DPH1: variants seen among roughly 807,000 people sequenced by gnomAD.
DPH1 encodes 2-(3-amino-3-carboxypropyl)histidine synthase subunit 1.
Under a neutral mutation model 55.3 loss-of-function variants are expected in DPH1, and 59 were observed. That is an observed-to-expected ratio of 1.07 (90% CI 0.87 to 1.33). The LOEUF is 1.33. Ranked by LOEUF, DPH1 falls within the 40% of genes most tolerant of loss-of-function variation. DPH1 has a pLI of 0.00. For synonymous variants in DPH1, 238 were observed against 235.5 expected, an observed-to-expected ratio of 1.01 and a Z score of -0.10; for missense variants, 628 against 584.8, an observed-to-expected ratio of 1.07 and a Z score of -0.76.
intron 12 of DPH1, 199 bp from the exon 13 acceptor site, chr17:2,042,406 G>T: frequency 7.9e-7 from 1 of 1,257,898 alleles, no homozygotes; most frequent in South Asian, 1.9e-5. Context: ...TGTCCTCCCA[G>T]GCTTCCGCCT....
chr17:2,042,149 G>T, intron 12 of DPH1: 1 of 1,519,946 alleles, frequency 6.6e-7, no homozygotes, highest in East Asian at 2.6e-5. Context: ...AGGCGCTGCG[G>T]GGTCGCGCCG....
Position 2,030,157 on chromosome 17 carries a change from G to A in DPH1, c.-13G>A, listed in dbSNP as rs767013444. On this transcript the variant is annotated 5_prime_UTR_variant, in exon 1 of 13. It removes an upstream start codon present in the reference 5' UTR. Transcript: ENST00000263083. ...CAGCGCTGTCTTTTTAGTACCACAT[G>A]CGCAGGCAGGTGATGGCGGCGCTGG... The A allele has an allele frequency of 4.4e-6, 7 of 1,601,662 alleles. No individual in the cohort carries two copies. The South Asian group carries it at 4.5e-5, about 10-fold the overall frequency.
Position 2,042,495 on chromosome 17 carries a change from C to G in DPH1, c.*19-110C>G, listed in dbSNP as rs558641493. 677 of 1,424,536 alleles carry G rather than the reference C, an allele frequency of 4.8e-4. 2 individuals are homozygous for G. Among genetic ancestry groups the G allele is most frequent in the Middle Eastern group, 2.1e-3 (11 of 5,264 alleles). The allele number at this position is 1,424,536 out of a possible 1,614,324, so 88.2% of individuals were successfully genotyped here. Reference sequence around the variant, plus strand: ...TCTCATTTCCCCCAGACTTTTGCCTCGATTCCCTTTTTCTCTCTGTCATCT... The same window carrying G: ...TCTCATTTCCCCCAGACTTTTGCCTGGATTCCCTTTTTCTCTCTGTCATCT... On this transcript the variant is annotated intron_variant, in intron 12 of 12. Transcript: ENST00000263083.
At chr17:2,034,911 C>T (rs898746084) in intron 3 of DPH1, 4 of 133,290 alleles carry the variant, frequency 3.0e-5, no homozygotes, top group Non-Finnish European at 4.7e-5. Context: ...CTCCCACCGT[C>T]TTGCCCCTTG....
rs1162227909 is a variant in DPH1, at chr17:2,042,070, G to A, written c.*18+195G>A. The A allele has an allele frequency of 5.8e-6, 9 of 1,557,232 alleles. 1 individual carries two copies. Among genetic ancestry groups the A allele is most frequent in the Admixed American group, 5.6e-5 (3 of 54,050 alleles). ...ATAATGGCCGCGCAGCGACCCCTGC[G>A]GGTCCTGTGCCTGGCGGGCTTCCGG... On this transcript the variant is annotated intron_variant, in intron 12 of 12. Coordinates refer to ENST00000263083, the MANE Select transcript of DPH1 (RefSeq NM_001383.6).
intron 6 of DPH1, among the ~76,000 whole-genome samples, chr17:2,037,804 A>G (rs1220912822): frequency 6.6e-6 from 1 of 152,226 alleles, no homozygotes; most frequent in African/African-American, 2.4e-5. Context: ...CTGGGGGCAC[A>G]CTTGGTACAG....
Position 2,041,184 on chromosome 17 carries a change from A to C in DPH1, c.1086+3A>C. The C allele has an allele frequency of 6.2e-7, 1 of 1,602,564 alleles. No homozygotes were observed. Among genetic ancestry groups the C allele is most frequent in the Non-Finnish European group, 8.5e-7 (1 of 1,174,188 alleles). On this transcript the variant is annotated splice_donor_region_variant and intron_variant, in intron 10 of 12. Coordinates refer to ENST00000263083, the MANE Select transcript of DPH1 (RefSeq NM_001383.6). ...AGCCGCTGCTGACACCCTATGAGGT[A>C]ACACCAAGCTCTGGGAGAGAGTGGG... is the stretch of plus-strand genomic sequence containing the variant.
chr17:2,042,296 C>T, intron 12 of DPH1: 2 of 1,397,034 alleles, frequency 1.4e-6, no homozygotes, highest in Non-Finnish European at 1.9e-6. Flanking sequence ...CCCCTCGACA[C>T]CCTTCAGCAT....
intron 6 of DPH1, among the ~76,000 whole-genome samples, chr17:2,038,709 A>G (rs1451493135): frequency 4.6e-5 from 7 of 152,034 alleles, no homozygotes. Flanking sequence ...CTTCCACAAA[A>G]CCTGTTCCCA....
chr17:2,033,571 A>G lies in DPH1; in HGVS notation c.128A>G (p.Gln43Arg). The G allele has an allele frequency of 6.2e-7, 1 of 1,614,224 alleles. No homozygotes were observed. The highest frequency in any genetic ancestry group is 8.5e-7 in the Non-Finnish European group (1 of 1,180,042). Residue 43 changes from glutamine (Q) to arginine (R), a missense_variant, in exon 2 of 13, where the codon CAG (glutamine) becomes CGG (arginine). By Grantham distance (43) the Gln-to-Arg change is conservative (BLOSUM62 1). Transcript: ENST00000263083. ...GAGATCCTGAAGAACCCTCAGCTGC[A>G]GGCAGCAATCCGGGTCCTGCCTTCC... ...PPEILKNPQL[Q>R]AAIRVLPSNY...
At chr17:2,040,718 C>A (rs2067505415) in intron 9 of DPH1, 113 bp downstream of exon 9, 1 of 1,268,796 alleles carries the variant, frequency 7.9e-7, no homozygotes, top group Non-Finnish European at 1.1e-6. Flanking sequence ...TGGAATTTTA[C>A]TGTTTACAGA....
In DPH1 at chr17:2,041,456, A is replaced by T. The variant is rs764124968; in HGVS notation, c.1087-25A>T. On this transcript the variant is annotated intron_variant, in intron 10 of 12. Coordinates refer to ENST00000263083, the MANE Select transcript of DPH1 (RefSeq NM_001383.6). ...GGGCAGAAAAACACTGGCAGATGTTATTGTCCCTCCCTCCCCTCCCCTAGG... is the reference window on the plus strand; with the variant it reads ...GGGCAGAAAAACACTGGCAGATGTTTTTGTCCCTCCCTCCCCTCCCCTAGG... 3 of 1,584,818 alleles carry T rather than the reference A, an allele frequency of 1.9e-6. No homozygotes were observed. In the South Asian group the frequency reaches 3.4e-5, roughly 18 times the overall value.
Position 2,040,527 on chromosome 17 carries a change from C to G in DPH1, c.929C>G (p.Ala310Gly). The change falls in exon 9 of 13, where the codon GCC (alanine) becomes GGC (glycine). Residue 310 changes from alanine to glycine, a missense_variant. Coordinates refer to ENST00000263083, the MANE Select transcript of DPH1 (RefSeq NM_001383.6). ...CAGCACCTGGAATCTCGACTCCGAG[C>G]CTTGGGCCTTTCCTTTGTGAGGCTG... ...ILEHLESRLR[A>G]LGLSFVRLLL... 1 of 1,614,218 alleles carries G rather than the reference C, an allele frequency of 6.2e-7. No individual in the cohort carries two copies. The highest frequency in any genetic ancestry group is 8.5e-7 in the Non-Finnish European group (1 of 1,180,044).
intron 3 of DPH1, 53 bp downstream of exon 3, chr17:2,033,895 A>G (rs894806663): frequency 5.6e-6 from 9 of 1,603,266 alleles, no homozygotes; most frequent in African/African-American, 4.0e-5. Flanking sequence ...CCCACCCCCT[A>G]TGCTCATTAC....
rs979626228 is a variant in DPH1 at position 2,041,188 on chromosome 17, C to G, written c.1086+7C>G. The G allele has an allele frequency of 1.2e-6, 2 of 1,600,940 alleles. No homozygotes were observed. The highest frequency in any genetic ancestry group is 2.2e-5 in the South Asian group (2 of 88,920). ...GCTGCTGACACCCTATGAGGTAACACCAAGCTCTGGGAGAGAGTGGGCTTT... is the reference window on the plus strand; with the variant it reads ...GCTGCTGACACCCTATGAGGTAACAGCAAGCTCTGGGAGAGAGTGGGCTTT... On this transcript the variant is annotated splice_region_variant and intron_variant, in intron 10 of 12. Coordinates refer to ENST00000263083, the MANE Select transcript of DPH1 (RefSeq NM_001383.6).
In DPH1 at chr17:2,033,529, C is replaced by T. The variant is rs772628014; in HGVS notation, c.86C>T (p.Ala29Val). 1 of 1,614,184 alleles carries T rather than the reference C, an allele frequency of 6.2e-7. No homozygotes were observed. Among genetic ancestry groups the T allele is most frequent in the South Asian group, 1.1e-5 (1 of 91,090 alleles). The change falls in exon 2 of 13, where the codon GCC becomes GTC. Residue 29 changes from alanine (A) to valine (V), a missense_variant. By Grantham distance (64) the Ala-to-Val change is moderately conservative. Coordinates refer to ENST00000263083, the MANE Select transcript of DPH1 (RefSeq NM_001383.6). ...GRGRAPRGRV[A>V]NQIPPEILKN... ...GGTCGGGCCCCTCGGGGCCGCGTGG[C>T]CAATCAGATCCCCCCTGAGATCCTG... is the stretch of plus-strand genomic sequence containing the variant.
rs753330182 is a variant in DPH1 at position 2,042,634 on chromosome 17, G to C, written c.*48G>C. ...CTGCCCTCCGGAGGAGCAGCCTCGAGGCTGGTGGTTTTCAGAGCAGGAGGC... is the reference window on the plus strand; with the variant it reads ...CTGCCCTCCGGAGGAGCAGCCTCGACGCTGGTGGTTTTCAGAGCAGGAGGC... On this transcript the variant is annotated 3_prime_UTR_variant, in exon 13 of 13. Coordinates refer to ENST00000263083, the MANE Select transcript of DPH1 (RefSeq NM_001383.6). 1 of 1,520,700 alleles carries C rather than the reference G, an allele frequency of 6.6e-7. No individual in the cohort carries two copies. Among genetic ancestry groups the C allele is most frequent in the Non-Finnish European group, 8.8e-7 (1 of 1,137,296 alleles). 94.2% of individuals were successfully genotyped at this position (1,520,700 alleles called of 1,614,324 possible). A position where few individuals can be genotyped will look rare whatever the true frequency, so the allele number is the denominator to read the frequency against.
intron 1 of DPH1, 62 bp downstream of exon 1, chr17:2,030,292 G>A (rs2067313542): frequency 6.6e-7 from 1 of 1,512,320 alleles, no homozygotes; most frequent in Non-Finnish European, 8.9e-7. Context: ...CCCAAGTTAG[G>A]GACAGGACCA....
At chr17:2,041,914 G>C (rs2067536765) in intron 12 of DPH1, 39 bp downstream of exon 12, 1 of 1,541,348 alleles carries the variant, frequency 6.5e-7, no homozygotes, top group East Asian at 2.4e-5. Context: ...GCCTTTTGCC[G>C]TTGTCATGGG....
Sources: allele counts gnomAD v4.1 joint callset (sites outside exome capture counted in the v4.1 genomes callset), GRCh38; gene constraint gnomAD v4.1.1; transcripts MANE v1.5; gene names NCBI Gene and HGNC (gene_info 2026-07-23, HGNC 2026-07-21).